RASSF3: variants seen among roughly 807,000 people sequenced by gnomAD.
RASSF3 encodes Ras association domain family member 3, also known as ras association domain-containing protein 3.
RASSF3 carries 19 observed loss-of-function variants against 19.9 expected under a neutral mutation model. The ratio of observed to expected loss-of-function variants is 0.96; its 90% confidence interval spans 0.67 to 1.40. RASSF3 has a LOEUF of 1.40. Ranked by LOEUF, RASSF3 falls within the 40% of genes most tolerant of loss-of-function variation. The probability of loss-of-function intolerance (pLI) is 0.00; values close to 1 mark genes in which losing one functional copy is unlikely to be tolerated. For missense variants in RASSF3, 306 were observed against 289.8 expected, an observed-to-expected ratio of 1.06 and a Z score of -0.41; for synonymous variants, 110 against 104.2, an observed-to-expected ratio of 1.06 and a Z score of -0.34.
At chr12:64,642,640 AAGTT>A (rs1871583453) in intron 1 of RASSF3, among the ~76,000 whole-genome samples, 1 of 149,804 alleles carries the variant, frequency 6.7e-6, no homozygotes, top group Admixed American at 6.6e-5. Context: ...AATTAATACA[AAGTT>A]AATTAATACA....
upstream of RASSF3, among the ~76,000 whole-genome samples, chr12:64,610,332 C>T (rs994617491): frequency 4.7e-5 from 7 of 150,268 alleles, no homozygotes; most frequent in African/African-American, 1.5e-4. Context: ...GGGCCGGGCT[C>T]CCCCCACCTG....
chr12:64,621,751 C>T (rs1355693578), intron 1 of RASSF3, among the ~76,000 whole-genome samples: 2 of 152,146 alleles, frequency 1.3e-5, no homozygotes, highest in African/African-American at 2.4e-5. Flanking sequence ...GGATTATAGG[C>T]GTGAGCCACC....
chr12:64,586,956 C>T (rs1565844032), intron 2 of RASSF3, among the ~76,000 whole-genome samples: 1 of 151,780 alleles, frequency 6.6e-6, no homozygotes, highest in Non-Finnish European at 1.5e-5. Context: ...AAATAATTTA[C>T]CCCAAACTAC....
In RASSF3 at chr12:64,520,567, T is replaced by C. The variant is rs1395391942; in HGVS notation, c.169+13238T>C. Among the ~76,000 whole-genome samples the C allele has an allele frequency of 8.6e-3, 292 of 33,960 alleles. 2 individuals carry two copies. The highest frequency in any genetic ancestry group is 0.033 in the African/African-American group (214 of 6,512). 22.3% of individuals were successfully genotyped at this position (33,960 alleles called of 152,430 possible). On this transcript the variant is annotated intron_variant, in intron 1 of 5. Coordinates refer to the RASSF3 transcript ENST00000637125. ...ACACACATACACACATATATATATA[T>C]ATATATATATATATATATATATATA... is the stretch of plus-strand genomic sequence containing the variant.
At chr12:64,620,273 T>C (rs1870707167) in intron 1 of RASSF3, among the ~76,000 whole-genome samples, 1 of 152,144 alleles carries the variant, frequency 6.6e-6, no homozygotes, top group Non-Finnish European at 1.5e-5. Context: ...TGTCAGAATT[T>C]CCTTCCTTTT....
intron 2 of RASSF3, among the ~76,000 whole-genome samples, chr12:64,602,968 AGG>A (rs1213241352): frequency 6.6e-6 from 1 of 151,902 alleles, no homozygotes; most frequent in African/African-American, 2.4e-5. Flanking sequence ...GCGTGGTGGC[AGG>A]CACCTGTAAT....
At chr12:64,600,357 C>A (rs1870072075) in intron 2 of RASSF3, among the ~76,000 whole-genome samples, 1 of 152,060 alleles carries the variant, frequency 6.6e-6, no homozygotes, top group South Asian at 2.1e-4. Context: ...GTTTTTGTCC[C>A]CCCTGTGGGC....
chr12:64,654,626 G>A (rs1316488419), intron 1 of RASSF3: 3 of 113,350 alleles, frequency 2.6e-5, no homozygotes, highest in East Asian at 2.9e-4. Context: ...GCAATATAGT[G>A]AGACCGTGTT....
intron 1 of RASSF3, among the ~76,000 whole-genome samples, chr12:64,666,542 T>C (rs1321055440): frequency 6.6e-6 from 1 of 152,196 alleles, no homozygotes; most frequent in African/African-American, 2.4e-5. Context: ...TGACTTCTTA[T>C]TCTGGTGTAC....
intron 2 of RASSF3, among the ~76,000 whole-genome samples, chr12:64,686,457 A>G (rs1375105968): frequency 6.6e-6 from 1 of 152,174 alleles, no homozygotes; most frequent in African/African-American, 2.4e-5. Flanking sequence ...CTAAAAATAC[A>G]AAAATTAGCC....
chr12:64,671,746 G>A (rs1333335530), intron 1 of RASSF3, among the ~76,000 whole-genome samples: 2 of 152,236 alleles, frequency 1.3e-5, no homozygotes, highest in African/African-American at 4.8e-5. Flanking sequence ...GGATGTGTAG[G>A]TGTTCTCCAT....
At chr12:64,671,707 C>G (rs904528290) in intron 1 of RASSF3, among the ~76,000 whole-genome samples, 5 of 152,368 alleles carry the variant, frequency 3.3e-5, no homozygotes, top group African/African-American at 1.2e-4. Context: ...AGCTGCACTT[C>G]TGAAGGAAAT....
In RASSF3 at chr12:64,610,554, C is replaced by A; in HGVS notation, c.-79C>A. On this transcript the variant is annotated 5_prime_UTR_variant, in exon 1 of 5. Transcript: ENST00000542104. ...CCGGGGCTGCGCGCCGGGAACCTCG[C>A]GGGGCTGGCGGGCGCCGCACCCCCT... The A allele has an allele frequency of 1.6e-6, 1 of 640,728 alleles. No individual in the cohort carries two copies. The highest frequency in any genetic ancestry group is 2.2e-6 in the Non-Finnish European group (1 of 452,578). The allele number at this position is 640,728 out of a possible 1,614,324, so 39.7% of individuals were successfully genotyped here.
intron 2 of RASSF3, among the ~76,000 whole-genome samples, chr12:64,576,065 T>C (rs1869591115): frequency 6.6e-6 from 1 of 152,016 alleles, no homozygotes; most frequent in Non-Finnish European, 1.5e-5. Flanking sequence ...AATTTTATAT[T>C]TTTAGTAGAG....
chr12:64,564,337 G>C (rs912310911), intron 2 of RASSF3, among the ~76,000 whole-genome samples: 3 of 151,814 alleles, frequency 2.0e-5, no homozygotes, highest in Non-Finnish European at 4.4e-5. Flanking sequence ...TTCTTTGTTA[G>C]CCCCCTAAAT....
chr12:64,608,457 C>T (rs1458429327), upstream of RASSF3, among the ~76,000 whole-genome samples: 1 of 152,046 alleles, frequency 6.6e-6, no homozygotes, highest in Non-Finnish European at 1.5e-5. Flanking sequence ...GAGTAGCTGG[C>T]GCACGCTACC....
At chr12:64,611,757 G>A (rs1442584353) in intron 1 of RASSF3, 5 of 152,272 alleles carry the variant, frequency 3.3e-5, no homozygotes, top group African/African-American at 4.8e-5. Flanking sequence ...TCGTTCAGGG[G>A]CCGGATGATA....
At chr12:64,690,081 G>A (rs969751767) in intron 3 of RASSF3, among the ~76,000 whole-genome samples, 10 of 151,886 alleles carry the variant, frequency 6.6e-5, no homozygotes, top group Admixed American at 1.3e-4. Flanking sequence ...GAGCCACCGC[G>A]CCTGGCCTCG....
At chr12:64,566,494 G>C (rs2136128055) in intron 2 of RASSF3, among the ~76,000 whole-genome samples, 1 of 152,256 alleles carries the variant, frequency 6.6e-6, no homozygotes, top group Admixed American at 6.5e-5. Flanking sequence ...AACAGACCTG[G>C]ATGCCTGAAA....
Sources: allele counts gnomAD v4.1 joint callset (sites outside exome capture counted in the v4.1 genomes callset), GRCh38; gene constraint gnomAD v4.1.1; transcripts MANE v1.5; gene names NCBI Gene and HGNC (gene_info 2026-07-23, HGNC 2026-07-21).